The following EYA1 variants were observed in gnomAD, a reference collection of about 807,000 sequenced individuals.
The protein encoded by EYA1 is EYA transcriptional coactivator and phosphatase 1.
A neutral mutation model predicts 82.0 loss-of-function variants in EYA1; 16 were observed. The observed-to-expected ratio is 0.20, with a 90% CI of 0.13 to 0.30. EYA1 has a LOEUF of 0.30. Ranked by LOEUF, EYA1 falls within the 10% of genes least tolerant of loss-of-function variation. The probability of loss-of-function intolerance (pLI) is 1.00; values close to 1 mark genes in which losing one functional copy is unlikely to be tolerated. For missense variants in EYA1, 633 were observed against 730.7 expected (o/e 0.87, Z 1.54); for synonymous variants, 261 against 264.4 (o/e 0.99, Z 0.12).
At chr8:71,389,415 G>A (rs955031526) in intron 2 of EYA1, among the ~76,000 whole-genome samples, 2 of 152,038 alleles carry the variant, frequency 1.3e-5, no homozygotes, top group African/African-American at 4.8e-5. Flanking sequence ...GGTGAAATGA[G>A]ACCTGAAATT....
At chr8:71,395,201 T>C (rs1420089984) in intron 2 of EYA1, among the ~76,000 whole-genome samples, 1 of 152,244 alleles carries the variant, frequency 6.6e-6, no homozygotes, top group Admixed American at 6.5e-5. Context: ...GCTGAGATGA[T>C]GGGGTTTTCT....
chr8:71,363,132 T>A (rs1244635469), upstream of EYA1, among the ~76,000 whole-genome samples: 5 of 151,298 alleles, frequency 3.3e-5, no homozygotes, highest in African/African-American at 1.2e-4. Flanking sequence ...GCTGATTAGG[T>A]CTTTTATTTA....
intron 2 of EYA1, among the ~76,000 whole-genome samples, chr8:71,424,543 CA>C (rs1831314302): frequency 6.6e-6 from 1 of 152,142 alleles, no homozygotes; most frequent in Admixed American, 6.5e-5. Flanking sequence ...ATATGAAGCC[CA>C]CTCACATGAA....
chr8:71,290,045 T>C (rs1018863827), intron 9 of EYA1, among the ~76,000 whole-genome samples: 5 of 152,208 alleles, frequency 3.3e-5, no homozygotes, highest in African/African-American at 1.2e-4. Context: ...TTTATTCTTG[T>C]CTGTAAACAC....
chr8:71,387,897 A>C (rs1182236018), intron 2 of EYA1, among the ~76,000 whole-genome samples: 8 of 152,128 alleles, frequency 5.3e-5, no homozygotes, highest in Non-Finnish European at 1.0e-4. Flanking sequence ...TGAGCAGCAC[A>C]GGGGCTGAAC....
intron 2 of EYA1, among the ~76,000 whole-genome samples, chr8:71,387,008 C>T (rs1425892170): frequency 6.6e-6 from 1 of 152,176 alleles, no homozygotes. Context: ...TCTGGTTCCT[C>T]ATGTGACAAG....
intron 2 of EYA1, among the ~76,000 whole-genome samples, chr8:71,408,223 C>T (rs1041586547): frequency 1.8e-4 from 28 of 151,772 alleles, no homozygotes; most frequent in Admixed American, 4.6e-4. Context: ...CTGAAGGAAG[C>T]GCTAAACATG....
chr8:71,380,105 C>T, intron 2 of EYA1, among the ~76,000 whole-genome samples: 1 of 152,202 alleles, frequency 6.6e-6, no homozygotes, highest in East Asian at 1.9e-4. Context: ...GTATATTCTC[C>T]TTGCCCACTT....
intron 9 of EYA1, among the ~76,000 whole-genome samples, chr8:71,290,385 G>A (rs1027591309): frequency 1.2e-4 from 19 of 152,108 alleles, no homozygotes; most frequent in African/African-American, 4.6e-4. Context: ...CACTTAATAT[G>A]TAACAGTTTT....
At chr8:71,295,991 A>C (rs1008609395) in intron 9 of EYA1, among the ~76,000 whole-genome samples, 1 of 152,062 alleles carries the variant, frequency 6.6e-6, no homozygotes, top group South Asian at 2.1e-4. Flanking sequence ...CAATAAATAA[A>C]TTAAAATCTC....
intron 2 of EYA1, among the ~76,000 whole-genome samples, chr8:71,496,887 T>G (rs753897737): frequency 2.7e-5 from 4 of 147,628 alleles, no homozygotes; most frequent in Non-Finnish European, 5.9e-5. Flanking sequence ...CCTCACTCAC[T>G]TTTTCTAGCA....
intron 2 of EYA1, among the ~76,000 whole-genome samples, chr8:71,417,784 G>C (rs1830935572): frequency 6.6e-6 from 1 of 152,100 alleles, no homozygotes; most frequent in African/African-American, 2.4e-5. Flanking sequence ...CCAAGCCCTT[G>C]ACCCATGTTT....
intron 4 of EYA1, among the ~76,000 whole-genome samples, chr8:71,329,946 G>A (rs1563477576): frequency 6.6e-6 from 1 of 152,180 alleles, no homozygotes; most frequent in Non-Finnish European, 1.5e-5. Flanking sequence ...AGTGGTCAGG[G>A]TGGGCCTCGA....
exon 2 of EYA1, chr8:71,535,812 C>A: frequency 7.0e-7 from 1 of 1,433,992 alleles, no homozygotes; most frequent in Admixed American, 2.3e-5. Flanking sequence ...GGGCTATTAG[C>A]TACACACTTC....
At position 71,237,892 on chromosome 8, in the gene EYA1, G is replaced by T. The variant is rs1002702521; in HGVS notation, c.1140+6711C>A. 2.0e-5 allele frequency among the ~76,000 whole-genome samples: 3 copies of T among 152,038 alleles called. No individual in the cohort carries two copies. In the East Asian group the frequency reaches 5.8e-4, roughly 29 times the overall value. On this transcript the variant is annotated intron_variant, in intron 12 of 17. Transcript: ENST00000340726. ...GAATTTCTATAAACTAAATGCATGG[G>T]TATAACTAACACCCAGATGAAGAAA...
chr8:71,400,443 T>C lies in EYA1; in HGVS notation c.34-43932A>G, dbSNP rs144446185. On this transcript the variant is annotated intron_variant, in intron 2 of 18. Coordinates refer to the EYA1 transcript ENST00000643681. Reference sequence around the variant, plus strand: ...AGAAGGTACAAGGAACTTTAAAAAATTTACAAGAAAAAAAAACATTAAAAA... The same window carrying C: ...AGAAGGTACAAGGAACTTTAAAAAACTTACAAGAAAAAAAAACATTAAAAA... 2.0e-3 allele frequency among the ~76,000 whole-genome samples: 302 copies of C among 151,686 alleles called. 1 individual carries two copies. Among genetic ancestry groups the C allele is most frequent in the African/African-American group, 6.8e-3 (281 of 41,326 alleles).
At chr8:71,474,498 AACT>A (rs1809493191) in intron 2 of EYA1, among the ~76,000 whole-genome samples, 1 of 152,138 alleles carries the variant, frequency 6.6e-6, no homozygotes, top group Admixed American at 6.5e-5. Flanking sequence ...CTACCTAGAG[AACT>A]ATATTATCAA....
intron 12 of EYA1, among the ~76,000 whole-genome samples, chr8:71,220,061 C>A (rs1287267328): frequency 2.6e-5 from 4 of 152,174 alleles, no homozygotes; most frequent in African/African-American, 9.7e-5. Flanking sequence ...CCAACAGCAG[C>A]AACCTGGTTT....
At chr8:71,231,446 T>G (rs892836085) in intron 12 of EYA1, among the ~76,000 whole-genome samples, 1 of 152,238 alleles carries the variant, frequency 6.6e-6, no homozygotes, top group Non-Finnish European at 1.5e-5. Context: ...CTAAATGTCA[T>G]GCTTTCTCAA....
Sources: gnomAD v4.1 joint callset for allele counts (sites outside exome capture counted in the v4.1 genomes callset) on GRCh38, gnomAD v4.1.1 for gene constraint, MANE v1.5 for transcripts, NCBI Gene and HGNC (gene_info 2026-07-23, HGNC 2026-07-21) for gene names.